Variants in BDP1 observed in about 807,000 individuals in gnomAD.
BDP1 encodes the protein transcription factor TFIIIB component B'' homolog.
Under a neutral mutation model 266.6 loss-of-function variants are expected in BDP1, and 169 were observed. The ratio of observed to expected loss-of-function variants is 0.63; its 90% CI spans 0.56 to 0.72. The LOEUF is 0.72. BDP1 is among the 30% of genes least tolerant of loss of function. The pLI is 0.00. For missense variants in BDP1, 3,015 were observed against 3,053.8 expected (o/e 0.99, Z 0.30); for synonymous variants, 1,090 against 1,022.4 (o/e 1.07, Z -1.26).
intron 33 of BDP1, 88 bp from the exon 34 acceptor site, chr5:71,549,332 G>C (rs1238364024): frequency 1.1e-5 from 12 of 1,092,422 alleles, no homozygotes; most frequent in Non-Finnish European, 1.4e-5. Context: ...GTTGTCCTGA[G>C]ACTGTCTTTT....
intron 25 of BDP1, among the ~76,000 whole-genome samples, chr5:71,525,800 G>A (rs977625032): frequency 2.6e-5 from 4 of 152,112 alleles, no homozygotes; most frequent in Non-Finnish European, 4.4e-5. Context: ...TTCCCAGACG[G>A]GGTGGCTGCT....
rs34252624 is a variant in BDP1, at chr5:71,513,063, C to CA, written c.4248-97dup. On this transcript the variant is annotated intron_variant, in intron 18 of 38. Coordinates refer to ENST00000358731, the MANE Select transcript of BDP1 (RefSeq NM_018429.3). Reference sequence around the variant, plus strand: ...GGGGGATAGAACAAGACCCTGTCTCCAAAAAAAAAAAAAAAAAAAAAAAAA... The same window carrying CA: ...GGGGGATAGAACAAGACCCTGTCTCCAAAAAAAAAAAAAAAAAAAAAAAAAA... 10,602 of 411,846 alleles carry CA rather than the reference C, an allele frequency of 0.026. 40 individuals carry two copies. The highest frequency in any genetic ancestry group is 0.07 in the African/African-American group (1,918 of 27,388). The allele number at this position is 411,846 out of a possible 1,614,324, so 25.5% of individuals were successfully genotyped here.
rs773127544 is a variant in BDP1, at chr5:71,509,554, G to A, written c.2462G>A (p.Gly821Glu). Residue 821 changes from glycine (G) to glutamate (E), a missense_variant, in exon 17 of 39, where the codon GGA (glycine) becomes GAA (glutamate). Gly to Glu is a moderately conservative substitution (Grantham distance 98). Coordinates refer to ENST00000358731, the MANE Select transcript of BDP1 (RefSeq NM_018429.3). ...AAACCAAAGCCAAATATAGGAAGAG[G>A]AACTGGAAGGAGAGAAATTTCCTCA... ...FQKPKPNIGR[G>E]TGRREISSKE... The A allele has an allele frequency of 1.9e-6, 3 of 1,613,248 alleles. No individual in the cohort carries two copies. The highest frequency in any genetic ancestry group is 2.5e-6 in the Non-Finnish European group (3 of 1,179,872).
In BDP1 at chr5:71,565,459, A is replaced by G. The variant is rs892595712; in HGVS notation, c.*574A>G. 16 of 152,544 alleles carry G rather than the reference A, an allele frequency of 1.0e-4. No individual in the cohort carries two copies. The highest frequency in any genetic ancestry group is 3.9e-4 in the African/African-American group (16 of 41,466). The allele number at this position is 152,544 out of a possible 1,614,324, so 9.4% of individuals were successfully genotyped here. The stretch of plus-strand genomic sequence containing the variant: ...ATCAACTAGTGACATTATAGCCATC[A>G]TAACACAGTGCATTGCTTTTTTATG... On this transcript the variant is annotated 3_prime_UTR_variant, in exon 39 of 39. Coordinates refer to ENST00000358731, the MANE Select transcript of BDP1 (RefSeq NM_018429.3).
At chr5:71,549,141 G>A (rs564385661) in intron 33 of BDP1, among the ~76,000 whole-genome samples, 25 of 152,298 alleles carry the variant, frequency 1.6e-4, no homozygotes, top group African/African-American at 5.5e-4. Flanking sequence ...GGGAGACTGA[G>A]GCACAAGAAT....
In BDP1 at chr5:71,565,436, CA is replaced by C. The variant is rs2112143327; in HGVS notation, c.*553del. ...AATTAAAATGGAGATAAATTCCTAT[CA>C]ACTAGTGACATTATAGCCATCATAA... On this transcript the variant is annotated 3_prime_UTR_variant, in exon 39 of 39. Coordinates refer to ENST00000358731, the MANE Select transcript of BDP1 (RefSeq NM_018429.3). 6.6e-6 allele frequency: 1 copy of C among 152,512 alleles called. No homozygotes were observed. The highest frequency in any genetic ancestry group is 6.5e-5 in the Admixed American group (1 of 15,310). The allele number at this position is 152,512 out of a possible 1,614,324, so 9.4% of individuals were successfully genotyped here.
intron 4 of BDP1, among the ~76,000 whole-genome samples, chr5:71,464,867 C>A (rs964481458): frequency 6.6e-6 from 1 of 151,650 alleles, no homozygotes; most frequent in Admixed American, 6.6e-5. Flanking sequence ...TACGGGTGTG[C>A]GCCACCATGC....
intron 30 of BDP1, among the ~76,000 whole-genome samples, chr5:71,543,895 G>A (rs1767117951): frequency 6.6e-6 from 1 of 152,142 alleles, no homozygotes; most frequent in African/African-American, 2.4e-5. Flanking sequence ...ACCATGAGAG[G>A]TCACCTTTTC....
chr5:71,471,223 A>G (rs907784009), intron 7 of BDP1, among the ~76,000 whole-genome samples: 2 of 148,996 alleles, frequency 1.3e-5, no homozygotes, highest in Non-Finnish European at 3.0e-5. Flanking sequence ...GCTCACTGCA[A>G]CCTCTGCCTC....
At chr5:71,506,825 C>CACACACACACACA (rs1411528862) in intron 16 of BDP1, among the ~76,000 whole-genome samples, 1 of 76,964 alleles carries the variant, frequency 1.3e-5, no homozygotes, top group Non-Finnish European at 2.9e-5. Flanking sequence ...ACACACACAC[C>CACACACACACACA]CATATTTTTT....
intron 38 of BDP1, among the ~76,000 whole-genome samples, chr5:71,563,725 C>T (rs1337804758): frequency 6.6e-6 from 1 of 152,144 alleles, no homozygotes; most frequent in African/African-American, 2.4e-5. Flanking sequence ...CCAGCCTGGC[C>T]AACATGGCAA....
chr5:71,512,820 T>C (rs2150480090), intron 18 of BDP1, among the ~76,000 whole-genome samples: 1 of 152,098 alleles, frequency 6.6e-6, no homozygotes, highest in South Asian at 2.1e-4. Flanking sequence ...TTTGGGAGGC[T>C]GAGGTGGGTG....
At chr5:71,491,220 C>T in intron 11 of BDP1, 89 bp downstream of exon 11, 1 of 1,266,304 alleles carries the variant, frequency 7.9e-7, no homozygotes, top group Non-Finnish European at 1.1e-6. Context: ...TGTGGATTTG[C>T]CTGTTTCTTT....
chr5:71,558,025 C>G (rs1248165230), intron 36 of BDP1, among the ~76,000 whole-genome samples: 3 of 152,184 alleles, frequency 2.0e-5, no homozygotes, highest in African/African-American at 4.8e-5. Flanking sequence ...CTGCCAGTCA[C>G]ATTTATCCTG....
intron 30 of BDP1, among the ~76,000 whole-genome samples, chr5:71,542,720 A>C (rs779368951): frequency 8.1e-5 from 12 of 148,332 alleles, no homozygotes; most frequent in Non-Finnish European, 4.5e-5. Context: ...ATATATATTC[A>C]TGTATAACTT....
At chr5:71,539,187 A>AT in intron 27 of BDP1, 109 bp downstream of exon 27, 1 of 730,380 alleles carries the variant, frequency 1.4e-6, no homozygotes. Context: ...TAACAAAAAG[A>AT]TTCAGCTATT....
At chr5:71,571,845 C>T (rs144152820), downstream of BDP1, among the ~76,000 whole-genome samples, 3,889 of 152,238 alleles carry the variant, frequency 0.026, 66 homozygotes, top group Non-Finnish European at 0.043. Context: ...TGGTCTCGAA[C>T]TCCTGACCTC....
At chr5:71,513,886 T>C (rs1395029151) in intron 19 of BDP1, among the ~76,000 whole-genome samples, 1 of 146,716 alleles carries the variant, frequency 6.8e-6, no homozygotes, top group African/African-American at 2.5e-5. Context: ...GTCCGGCTAA[T>C]TTTTTTTTTT....
rs1473826278 is a variant in BDP1, at chr5:71,495,399, A to G, written c.1790A>G (p.Asn597Ser). The change falls in exon 12 of 39, where the codon AAT becomes AGT. Residue 597 changes from asparagine to serine, a missense_variant. By Grantham distance (46) the Asn-to-Ser change is conservative. Coordinates refer to ENST00000358731, the MANE Select transcript of BDP1 (RefSeq NM_018429.3). The part of the protein sequence containing the change: ...CIEERNVDLK[N>S]NSLEIDQTEN... The stretch of plus-strand genomic sequence containing the variant: ...GAAGAAAGAAATGTTGACCTAAAAA[A>G]TAATTCACTGTAAGTATTTTATACG... 3 of 1,574,928 alleles carry G rather than the reference A, an allele frequency of 1.9e-6. No individual in the cohort carries two copies. Among genetic ancestry groups the G allele is most frequent in the Non-Finnish European group, 1.7e-6 (2 of 1,158,564 alleles).
Sources: gnomAD v4.1 joint callset for allele counts (sites outside exome capture counted in the v4.1 genomes callset) on GRCh38, gnomAD v4.1.1 for gene constraint, MANE v1.5 for transcripts, NCBI Gene and HGNC (gene_info 2026-07-23, HGNC 2026-07-21) for gene names.